The following CDK18 variants were observed in gnomAD, a reference collection of about 807,000 sequenced individuals.
CDK18 encodes cyclin dependent kinase 18.
Under a neutral mutation model 62.0 loss-of-function variants are expected in CDK18, and 52 were observed. The ratio of observed to expected loss-of-function variants is 0.84; its 90% CI spans 0.67 to 1.06. CDK18 has a LOEUF of 1.06. CDK18 is among the 50% of genes least tolerant of loss of function. CDK18 has a pLI of 0.00. For synonymous variants in CDK18, 237 were observed against 247.0 expected, an observed-to-expected ratio of 0.96 and a Z score of 0.38; for missense variants, 604 against 619.9, an observed-to-expected ratio of 0.97 and a Z score of 0.27.
chr1:205,521,789 AT>A (rs1234337146), intron 1 of CDK18, among the ~76,000 whole-genome samples: 1 of 152,230 alleles, frequency 6.6e-6, no homozygotes, highest in Admixed American at 6.5e-5. Flanking sequence ...CAAAGCCAAC[AT>A]GTTACTGACC....
Position 205,516,679 on chromosome 1 carries a change from T to G in CDK18, c.-21-6468T>G, listed in dbSNP as rs1376718875. On this transcript the variant is annotated intron_variant, in intron 1 of 15. Coordinates refer to ENST00000429964, the MANE Select transcript of CDK18 (RefSeq NM_212502.3). The surrounding 1 kb of genome is among the most constrained non-coding windows in gnomAD (Gnocchi z 4.8). The stretch of plus-strand genomic sequence containing the variant: ...CCATTGAAGGAGGGGCACCTGGTGG[T>G]CCTGGGGGTGGGGTGGAGTGAGTTC... 4.6e-5 allele frequency: 7 copies of G among 152,118 alleles called. No homozygotes were observed. The highest frequency in any genetic ancestry group is 1.7e-4 in the African/African-American group (7 of 41,380). The allele number at this position is 152,118 out of a possible 1,614,324, so 9.4% of individuals were successfully genotyped here.
chr1:205,531,673 G>C lies in CDK18; in HGVS notation c.*295G>C, dbSNP rs1306085386. 1 of 423,672 alleles carries C rather than the reference G, an allele frequency of 2.4e-6. No individual in the cohort carries two copies. The highest frequency in any genetic ancestry group is 4.4e-6 in the Non-Finnish European group (1 of 228,220). 26.2% of individuals were successfully genotyped at this position (423,672 alleles called of 1,614,324 possible). On this transcript the variant is annotated 3_prime_UTR_variant, in exon 16 of 16. Transcript: ENST00000429964. Reference sequence around the variant, plus strand: ...GGTCCTCGTACCCTCTCCCACCCTGGTGTTTGGGCACCTGCGTGGGATGCA... The same window carrying C: ...GGTCCTCGTACCCTCTCCCACCCTGCTGTTTGGGCACCTGCGTGGGATGCA...
chr1:205,518,540 G>A (rs927835533), intron 1 of CDK18, among the ~76,000 whole-genome samples: 12 of 152,332 alleles, frequency 7.9e-5, no homozygotes, highest in African/African-American at 2.4e-4. Flanking sequence ...GGGCAAGGGC[G>A]GGGAGGGCTC....
chr1:205,505,959 A>C (rs1667285755), intron 1 of CDK18, among the ~76,000 whole-genome samples: 1 of 152,038 alleles, frequency 6.6e-6, no homozygotes, highest in Non-Finnish European at 1.5e-5. Context: ...TGACTCACTA[A>C]CACCACCGGC....
chr1:205,529,829 C>A, intron 13 of CDK18: 1 of 1,374,568 alleles, frequency 7.3e-7, no homozygotes, highest in Non-Finnish European at 9.8e-7. Context: ...TCCTCAGCTG[C>A]AAAGTGGGAT....
At chr1:205,530,740 G>T in intron 15 of CDK18, 35 bp downstream of exon 15, 6 of 1,577,884 alleles carry the variant, frequency 3.8e-6, no homozygotes, top group Non-Finnish European at 4.4e-6. Flanking sequence ...CCCTCCCCTT[G>T]TTAGTGGAAG....
Position 205,528,200 on chromosome 1 carries a change from A to G in CDK18, c.974+32A>G. 1 of 1,610,774 alleles carries G rather than the reference A, an allele frequency of 6.2e-7. No individual in the cohort carries two copies. Among genetic ancestry groups the G allele is most frequent in the South Asian group, 1.1e-5 (1 of 90,862 alleles). On this transcript the variant is annotated intron_variant, in intron 10 of 15. Transcript: ENST00000429964. The surrounding 1 kb of genome is among the most constrained non-coding windows in gnomAD (Gnocchi z 4.2). The stretch of plus-strand genomic sequence containing the variant: ...GAGCACTGTGGGGACCGAGGAGGGG[A>G]GGACAGGCCTGGCCACACCTCCAGA...
At chr1:205,506,462 C>A (rs1051015822) in intron 1 of CDK18, among the ~76,000 whole-genome samples, 9 of 152,174 alleles carry the variant, frequency 5.9e-5, no homozygotes, top group African/African-American at 2.2e-4. Flanking sequence ...GAAGTTCTTC[C>A]CAAACTTATC....
Position 205,512,411 on chromosome 1 carries a change from G to A in CDK18, c.-22+7615G>A, listed in dbSNP as rs916814391. ...AGGGCCCAGGACAGTGCCTGGCGCTGAGCAGGTGCTTGTGAAATGAGTGAG... is the reference window on the plus strand; with the variant it reads ...AGGGCCCAGGACAGTGCCTGGCGCTAAGCAGGTGCTTGTGAAATGAGTGAG... On this transcript the variant is annotated intron_variant, in intron 1 of 15. Transcript: ENST00000429964. 5.3e-5 allele frequency among the ~76,000 whole-genome samples: 8 copies of A among 152,250 alleles called. 1 individual carries two copies. The highest frequency in any genetic ancestry group is 5.2e-4 in the Admixed American group (8 of 15,286).
Position 205,529,539 on chromosome 1 carries a change from C to A in CDK18, c.1197C>A (p.Ile399=). 4 of 1,612,356 alleles carry A rather than the reference C, an allele frequency of 2.5e-6. No individual in the cohort carries two copies. The highest frequency in any genetic ancestry group is 3.4e-6 in the Non-Finnish European group (4 of 1,179,074). Residue 399 remains isoleucine (I), a synonymous_variant, in exon 13 of 16, where the codon ATC becomes ATA. Coordinates refer to ENST00000429964, the MANE Select transcript of CDK18 (RefSeq NM_212502.3). ...CTTGCAGGTTGGATACGGATGGCAT[C>A]CACCTCCTGAGCAGCCTGCTCCTGG... The part of the protein sequence containing the change: ...NHAPRLDTDG[I]HLLSSLLLYE...
At position 205,517,208 on chromosome 1, in the gene CDK18, G is replaced by A. The variant is rs1186296152; in HGVS notation, c.-21-5939G>A. 2.0e-5 allele frequency among the ~76,000 whole-genome samples: 3 copies of A among 152,116 alleles called. No homozygotes were observed. The highest frequency in any genetic ancestry group is 7.2e-5 in the African/African-American group (3 of 41,412). On this transcript the variant is annotated intron_variant, in intron 1 of 15. Transcript: ENST00000429964. The surrounding 1 kb of genome is among the most constrained non-coding windows in gnomAD (Gnocchi z 4.1). ...GTAGCCGGGGTTCCCTGCCTTGCAC[G>A]GGCCCCACCCTGCGTGGCCCTGCAG...
In CDK18 at chr1:205,529,028, C is replaced by T; in HGVS notation, c.1004C>T (p.Ala335Val). Residue 335 changes from alanine (A) to valine (V), a missense_variant, in exon 11 of 16, where the codon GCC becomes GTC. By Grantham distance (64) the Ala-to-Val change is moderately conservative. Coordinates refer to ENST00000429964, the MANE Select transcript of CDK18 (RefSeq NM_212502.3). Reference protein sequence around the residue: ...WGVGCIHYEMATGRPLFPGST... With the variant: ...WGVGCIHYEMVTGRPLFPGST... ...GTGGGCTGCATCCACTACGAGATGG[C>T]CACAGGGAGGCCCCTCTTCCCGGGC... 1.3e-6 allele frequency: 2 copies of T among 1,595,800 alleles called. No individual in the cohort carries two copies. Among genetic ancestry groups the T allele is most frequent in the Non-Finnish European group, 1.7e-6 (2 of 1,171,804 alleles).
chr1:205,506,022 C>T (rs1348819695), intron 1 of CDK18, among the ~76,000 whole-genome samples: 2 of 152,216 alleles, frequency 1.3e-5, no homozygotes, highest in African/African-American at 4.8e-5. Context: ...GCGTGGCATT[C>T]CCCACCCGGG....
chr1:205,529,149 T>G, intron 11 of CDK18, 53 bp downstream of exon 11: 1 of 1,481,870 alleles, frequency 6.7e-7, no homozygotes, highest in Non-Finnish European at 9.2e-7. Context: ...CCGGAACTCC[T>G]CCAGCCCAGG....
At chr1:205,521,620 G>T (rs370774929) in intron 1 of CDK18, among the ~76,000 whole-genome samples, 1 of 152,230 alleles carries the variant, frequency 6.6e-6, no homozygotes, top group Non-Finnish European at 1.5e-5. Context: ...GTGCCAGCCC[G>T]CTAAAGGAAT....
chr1:205,510,223 G>C (rs1162791768), intron 1 of CDK18, among the ~76,000 whole-genome samples: 1 of 152,084 alleles, frequency 6.6e-6, no homozygotes. Context: ...TCTGCCTGGG[G>C]AGTCTCCTCA....
At chr1:205,524,174 C>T (rs1668294805) in intron 3 of CDK18, 58 bp from the exon 4 acceptor site, 3 of 1,607,496 alleles carry the variant, frequency 1.9e-6, no homozygotes, top group Non-Finnish European at 2.6e-6. Context: ...TGGAGCCCCA[C>T]AGCCCTAGCT....
intron 1 of CDK18, among the ~76,000 whole-genome samples, chr1:205,514,401 G>A (rs1392348500): frequency 6.6e-6 from 1 of 152,082 alleles, no homozygotes; most frequent in Non-Finnish European, 1.5e-5. Flanking sequence ...CTGGGTGACT[G>A]GACAGTCTAG....
chr1:205,514,279 G>A (rs555178364), intron 1 of CDK18, among the ~76,000 whole-genome samples: 28 of 152,316 alleles, frequency 1.8e-4, no homozygotes, highest in African/African-American at 6.7e-4. Flanking sequence ...GTAGCACGTT[G>A]TTGGTTTCTC....
Sources: allele counts gnomAD v4.1 joint callset (sites outside exome capture counted in the v4.1 genomes callset), GRCh38; gene constraint gnomAD v4.1.1; non-coding constraint Gnocchi (gnomAD v3.1); transcripts MANE v1.5; gene names NCBI Gene and HGNC (gene_info 2026-07-23, HGNC 2026-07-21).